The following PSMC6 variants were observed in gnomAD, a reference collection of about 807,000 sequenced individuals.
PSMC6 encodes proteasome 26S subunit, ATPase 6.
In PSMC6, 3 loss-of-function variants were observed where a neutral mutation model predicts 55.9. That is an observed-to-expected ratio of 0.05 (90% CI 0.02 to 0.14). The LOEUF (loss-of-function observed/expected upper bound fraction) is 0.14. PSMC6 is among the 10% of genes least tolerant of loss of function. The pLI is 1.00. For synonymous variants in PSMC6, 137 were observed against 155.9 expected (o/e 0.88, Z 0.90); for missense variants, 210 against 478.7 (o/e 0.44, Z 5.24).
At chr14:52,721,230 A>G (rs2139853674) in intron 12 of PSMC6, 40 bp downstream of exon 12, 2 of 1,411,336 alleles carry the variant, frequency 1.4e-6, no homozygotes, top group East Asian at 4.7e-5. Context: ...TACATTTGGT[A>G]AATGAAGAAA....
chr14:52,707,290 G>A lies in PSMC6; in HGVS notation c.71G>A (p.Gly24Asp). The A allele has an allele frequency of 6.2e-7, 1 of 1,614,080 alleles. No homozygotes were observed. The highest frequency in any genetic ancestry group is 1.3e-5 in the African/African-American group (1 of 75,070). Residue 24 changes from glycine to aspartate, a missense_variant, in exon 1 of 14, where the codon GGC becomes GAC. Around this residue, in one of 4 missense-constraint regions of PSMC6, gnomAD observed 101 missense variants for 250.4 expected, o/e 0.40. Transcript: ENST00000445930. The stretch of plus-strand genomic sequence containing the variant: ...TTGCTTGAACACAAGGAGATCGACG[G>A]CCGTCTTAAGGAGTGTGAGTGCACC... ...KKLLEHKEID[G>D]RLKELREQLK...
chr14:52,715,238 A>G (rs2041818496), intron 7 of PSMC6, among the ~76,000 whole-genome samples: 1 of 152,212 alleles, frequency 6.6e-6, no homozygotes, highest in South Asian at 2.1e-4. Context: ...TCTTCATGAT[A>G]AAAGGGAAAA....
chr14:52,712,837 G>A (rs990850729), intron 6 of PSMC6, among the ~76,000 whole-genome samples: 3 of 151,892 alleles, frequency 2.0e-5, no homozygotes, highest in Non-Finnish European at 2.9e-5. Context: ...GGCTCTTCTC[G>A]AACTCCTGAA....
chr14:52,717,986 C>T, intron 7 of PSMC6, 95 bp from the exon 8 acceptor site: 1 of 1,175,022 alleles, frequency 8.5e-7, no homozygotes, highest in Non-Finnish European at 1.3e-6. Context: ...TGTGATCTCG[C>T]CACACTCCAG....
rs557773630 is a variant in PSMC6 at position 52,708,715 on chromosome 14, T to A, written c.206-49T>A. ...ACCCTCTGTCAACGTGGGTATGTAT[T>A]TTTTTACTTTCTATTTTTCAATTAG... On this transcript the variant is annotated intron_variant, in intron 3 of 13. Coordinates refer to ENST00000445930, the MANE Select transcript of PSMC6 (RefSeq NM_002806.5). 3.9e-5 allele frequency: 62 copies of A among 1,609,084 alleles called. No individual in the cohort carries two copies. In the Admixed American group the frequency reaches 8.0e-4, roughly 21 times the overall value.
At chr14:52,717,291 T>G (rs1248355490) in intron 7 of PSMC6, among the ~76,000 whole-genome samples, 4 of 152,050 alleles carry the variant, frequency 2.6e-5, no homozygotes, top group Non-Finnish European at 4.4e-5. Flanking sequence ...TATAACATTT[T>G]GATTAAAATT....
chr14:52,711,684 T>C (rs960954466), intron 6 of PSMC6, among the ~76,000 whole-genome samples, 160 bp downstream of exon 6: 1 of 152,232 alleles, frequency 6.6e-6, no homozygotes, highest in Non-Finnish European at 1.5e-5. Context: ...GCACTGAATT[T>C]CTAGCTGTGA....
At chr14:52,721,036 C>T (rs1343012235) in intron 11 of PSMC6, 55 bp downstream of exon 11, 2 of 1,591,234 alleles carry the variant, frequency 1.3e-6, no homozygotes, top group African/African-American at 2.7e-5. Flanking sequence ...ATTTCTTTTT[C>T]CATACTTCAC....
intron 13 of PSMC6, among the ~76,000 whole-genome samples, chr14:52,724,664 G>A (rs941966934): frequency 2.6e-5 from 4 of 152,170 alleles, no homozygotes; most frequent in African/African-American, 9.6e-5. Flanking sequence ...TCTGTGGATT[G>A]TGTGATACTA....
intron 9 of PSMC6, 64 bp downstream of exon 9, chr14:52,718,416 C>T (rs2041853897): frequency 1.3e-6 from 2 of 1,503,596 alleles, no homozygotes; most frequent in Non-Finnish European, 1.8e-6. Context: ...AACCTTTTTC[C>T]CTCTCTTAAT....
intron 1 of PSMC6, 74 bp downstream of exon 1, chr14:52,707,378 G>A (rs987164465): frequency 1.3e-6 from 2 of 1,581,442 alleles, no homozygotes; most frequent in Non-Finnish European, 1.7e-6. Flanking sequence ...GAAGCCTTTC[G>A]CCGAGCCCGG....
chr14:52,708,768 T>C lies in PSMC6; in HGVS notation c.210T>C (p.Ile70=). 1 of 1,613,616 alleles carries C rather than the reference T, an allele frequency of 6.2e-7. No homozygotes were observed. Among genetic ancestry groups the C allele is most frequent in the South Asian group, 1.1e-5 (1 of 90,876 alleles). Reference sequence around the variant, plus strand: ...CTTTTATGTTTTTTCTTCTAGTCATTGTTAAAGCTACCAATGGACCAAGAT... The same window carrying C: ...CTTTTATGTTTTTTCTTCTAGTCATCGTTAAAGCTACCAATGGACCAAGAT... ...VLKQLTEEKF[I]VKATNGPRYV... Residue 70 remains isoleucine (I), a synonymous_variant, in exon 4 of 14, where the codon ATT becomes ATC. Coordinates refer to ENST00000445930, the MANE Select transcript of PSMC6 (RefSeq NM_002806.5).
intron 4 of PSMC6, chr14:52,709,507 C>A (rs1012185179): frequency 3.2e-5 from 14 of 435,638 alleles, no homozygotes; most frequent in African/African-American, 6.2e-5. Flanking sequence ...AGTATATAAG[C>A]GGTTGACATT....
chr14:52,711,289 A>G lies in PSMC6; in HGVS notation c.326+121A>G, dbSNP rs1310576582. The G allele has an allele frequency of 1.6e-5, 21 of 1,275,408 alleles. No homozygotes were observed. In the Admixed American group the frequency reaches 3.4e-4, roughly 20 times the overall value. 79.0% of individuals were successfully genotyped at this position (1,275,408 alleles called of 1,614,324 possible). ...ACTTTTTCCCTTTTACTAGTTTCTA[A>G]TTAAGCACATCTTTATGAGATCAGC... On this transcript the variant is annotated intron_variant, in intron 5 of 13. Coordinates refer to ENST00000445930, the MANE Select transcript of PSMC6 (RefSeq NM_002806.5).
intron 9 of PSMC6, 171 bp downstream of exon 9, chr14:52,718,523 T>C: frequency 1.4e-6 from 1 of 705,630 alleles, no homozygotes; most frequent in Non-Finnish European, 2.2e-6. Context: ...GTGTGGTGGC[T>C]CATGCCTGTA....
chr14:52,711,379 C>CTTAG, intron 5 of PSMC6, 31 bp from the exon 6 acceptor site: 1 of 1,543,492 alleles, frequency 6.5e-7, no homozygotes, highest in Non-Finnish European at 8.9e-7. Flanking sequence ...ATATATCTTT[C>CTTAG]AAAAGAAAAA....
chr14:52,714,202 G>A (rs2041805338), intron 7 of PSMC6, among the ~76,000 whole-genome samples: 1 of 152,034 alleles, frequency 6.6e-6, no homozygotes, highest in Non-Finnish European at 1.5e-5. Context: ...CACCATGTCT[G>A]GTTAATTTTT....
In PSMC6 at chr14:52,718,370, G is replaced by A. The variant is rs751226608; in HGVS notation, c.715+18G>A. On this transcript the variant is annotated intron_variant, in intron 9 of 13. Transcript: ENST00000445930. ...TGCTATTGGTAAGAATAACACCCTT[G>A]TTGAAAGTTTTAGGACTTTTTTTTA... is the stretch of plus-strand genomic sequence containing the variant. 32 of 1,598,510 alleles carry A rather than the reference G, an allele frequency of 2.0e-5. No homozygotes were observed. The highest frequency in any genetic ancestry group is 2.6e-5 in the Non-Finnish European group (31 of 1,174,328).
At position 52,707,205 on chromosome 14, in the gene PSMC6, A is replaced by C. The variant is rs1298021961; in HGVS notation, c.-15A>C. 6.2e-7 allele frequency: 1 copy of C among 1,612,330 alleles called. No individual in the cohort carries two copies. The highest frequency in any genetic ancestry group is 8.5e-7 in the Non-Finnish European group (1 of 1,179,452). On this transcript the variant is annotated 5_prime_UTR_variant, in exon 1 of 14. Transcript: ENST00000445930. Reference sequence around the variant, plus strand: ...GGCCATTCCCGGCATCCCCTATGAGAGACGGCTTCTCATCATGGCGGACCC... The same window carrying C: ...GGCCATTCCCGGCATCCCCTATGAGCGACGGCTTCTCATCATGGCGGACCC...
Sources: allele counts gnomAD v4.1 joint callset (sites outside exome capture counted in the v4.1 genomes callset), GRCh38; gene constraint gnomAD v4.1.1; regional missense constraint gnomAD v4.1.1; transcripts MANE v1.5; gene names NCBI Gene and HGNC (gene_info 2026-07-23, HGNC 2026-07-21).